The following TAFA1 variants were observed in gnomAD, a reference collection of about 807,000 sequenced individuals.
The protein encoded by TAFA1 is TAFA chemokine like family member 1.
Under a neutral mutation model 18.5 loss-of-function variants are expected in TAFA1, and 4 were observed. The ratio of observed to expected loss-of-function variants is 0.22; its 90% CI spans 0.11 to 0.49. TAFA1 has a LOEUF of 0.49. TAFA1 is among the 20% of genes least tolerant of loss of function. The pLI, the probability that TAFA1 is intolerant of heterozygous loss-of-function variation, is 0.98. For synonymous variants in TAFA1, 56 were observed against 55.2 expected (o/e 1.01, Z -0.06); for missense variants, 147 against 169.0 (o/e 0.87, Z 0.72).
intron 2 of TAFA1, among the ~76,000 whole-genome samples, chr3:68,053,358 G>C (rs1205805466): frequency 6.6e-6 from 1 of 152,042 alleles, no homozygotes; most frequent in Non-Finnish European, 1.5e-5. Flanking sequence ...TAACAGATGT[G>C]ATAAAGACCT....
chr3:68,024,137 A>T (rs1704760611), intron 2 of TAFA1, among the ~76,000 whole-genome samples: 1 of 152,156 alleles, frequency 6.6e-6, no homozygotes, highest in Admixed American at 6.6e-5. Flanking sequence ...ATATTATCCT[A>T]AGTATTTTTT....
chr3:68,379,849 T>C (rs906687894), intron 2 of TAFA1, among the ~76,000 whole-genome samples: 2 of 151,986 alleles, frequency 1.3e-5, no homozygotes, highest in Admixed American at 1.3e-4. Flanking sequence ...ATGTGCCATG[T>C]TGGTGTGCTG....
intron 2 of TAFA1, among the ~76,000 whole-genome samples, chr3:68,262,313 A>G (rs1475455398): frequency 3.6e-4 from 6 of 16,544 alleles, no homozygotes; most frequent in African/African-American, 1.5e-3. Context: ...GAGGGTATAT[A>G]TATATATATA....
chr3:68,472,670 G>A (rs530925550), intron 3 of TAFA1, among the ~76,000 whole-genome samples: 1 of 151,688 alleles, frequency 6.6e-6, no homozygotes, highest in Non-Finnish European at 1.5e-5. Context: ...CTGGATAAAG[G>A]GTATATAGGA....
intron 2 of TAFA1, among the ~76,000 whole-genome samples, chr3:68,313,482 T>C (rs939364432): frequency 6.6e-6 from 1 of 152,214 alleles, no homozygotes; most frequent in Admixed American, 6.5e-5. Flanking sequence ...TGTCCAAATG[T>C]GCTGATTTTC....
chr3:68,250,120 T>G (rs980005632), intron 2 of TAFA1, among the ~76,000 whole-genome samples: 1 of 152,174 alleles, frequency 6.6e-6, no homozygotes, highest in African/African-American at 2.4e-5. Flanking sequence ...TCATCACTTA[T>G]AGCTTTGTCC....
Position 68,538,959 on chromosome 3 carries a change from CA to C in TAFA1, c.384+80del, listed in dbSNP as rs1433662821. On this transcript the variant is annotated intron_variant, in intron 4 of 4. Transcript: ENST00000478136. Reference sequence around the variant, plus strand: ...GTTTGTGCTGTGCAAACAGCATCCACAGAAGCTTTGCACAGGAGAGAAGATT... The same window carrying C: ...GTTTGTGCTGTGCAAACAGCATCCACGAAGCTTTGCACAGGAGAGAAGATT... 1.1e-4 allele frequency: 156 copies of C among 1,471,878 alleles called. 1 individual carries two copies. In the African/African-American group the frequency reaches 1.6e-3, roughly 15 times the overall value. 91.2% of individuals were successfully genotyped at this position (1,471,878 alleles called of 1,614,324 possible). A position where few individuals can be genotyped will look rare whatever the true frequency, so the allele number is the denominator to read the frequency against.
rs142498939 is a variant in TAFA1, at chr3:68,372,576, G to T, written c.119-44704G>T. Among the ~76,000 whole-genome samples the T allele has an allele frequency of 3.3e-3, 496 of 152,268 alleles. 4 individuals carry two copies. The highest frequency in any genetic ancestry group is 0.011 in the African/African-American group (471 of 41,558). On this transcript the variant is annotated intron_variant, in intron 2 of 4. Coordinates refer to ENST00000478136, the MANE Select transcript of TAFA1 (RefSeq NM_213609.4). ...CTAATTGTTAATCACATGACAAATA[G>T]CCTAGCATGCAACCAGCAGGTGATA...
At chr3:68,190,216 C>A (rs886491240) in intron 2 of TAFA1, among the ~76,000 whole-genome samples, 1 of 151,834 alleles carries the variant, frequency 6.6e-6, no homozygotes, top group African/African-American at 2.4e-5. Flanking sequence ...GTCTACATTA[C>A]CCTGTAGTGA....
chr3:68,306,942 A>G (rs1341440998), intron 2 of TAFA1, among the ~76,000 whole-genome samples: 1 of 152,196 alleles, frequency 6.6e-6, no homozygotes, highest in African/African-American at 2.4e-5. Flanking sequence ...AAAATTTCAA[A>G]ACATCAAAAC....
chr3:68,091,916 T>A (rs1575611946), intron 2 of TAFA1, among the ~76,000 whole-genome samples: 1 of 152,286 alleles, frequency 6.6e-6, no homozygotes, highest in East Asian at 1.9e-4. Context: ...GACTGCTGGT[T>A]TCCTTAACAG....
chr3:68,113,888 G>GTTTT lies in TAFA1; in HGVS notation c.118+107149_118+107152dup, dbSNP rs1169442128. On this transcript the variant is annotated intron_variant, in intron 2 of 4. Transcript: ENST00000478136. Reference sequence around the variant, plus strand: ...TGACAGTGTGACAGTTTGGGGTGTAGTTTTTTTTGTTTTTTTTTTTTTTTT... The same window carrying GTTTT: ...TGACAGTGTGACAGTTTGGGGTGTAGTTTTTTTTTTTTGTTTTTTTTTTTTTTTT... 8.5e-4 allele frequency among the ~76,000 whole-genome samples: 49 copies of GTTTT among 57,880 alleles called. 7 individuals carry two copies. The highest frequency in any genetic ancestry group is 3.1e-3 in the East Asian group (5 of 1,632). 38.0% of individuals were successfully genotyped at this position (57,880 alleles called of 152,430 possible).
intron 2 of TAFA1, among the ~76,000 whole-genome samples, chr3:68,224,270 G>C (rs1232247691): frequency 6.6e-6 from 1 of 152,074 alleles, no homozygotes; most frequent in Non-Finnish European, 1.5e-5. Context: ...TCAAGTGGGT[G>C]TCTTCCACCT....
In TAFA1 at chr3:68,417,304, C is replaced by T; in HGVS notation, c.143C>T (p.Ala48Val). 1.2e-6 allele frequency: 2 copies of T among 1,613,282 alleles called. No individual in the cohort carries two copies. The highest frequency in any genetic ancestry group is 1.7e-6 in the Non-Finnish European group (2 of 1,179,530). The change falls in exon 3 of 5, where the codon GCA becomes GTA. Residue 48 changes from alanine (A) to valine (V), a missense_variant. Coordinates refer to ENST00000478136, the MANE Select transcript of TAFA1 (RefSeq NM_213609.4). ...RPEGGTCEVI[A>V]AHRCCNKNRI... ...GAAGGAGGGACGTGTGAAGTGATAG[C>T]AGCACACCGATGTTGTAACAAGAAT...
At chr3:68,341,737 G>C (rs933259146) in intron 2 of TAFA1, among the ~76,000 whole-genome samples, 1 of 152,184 alleles carries the variant, frequency 6.6e-6, no homozygotes, top group African/African-American at 2.4e-5. Context: ...TGTTAGGTCT[G>C]ATCTCTTTCA....
chr3:68,522,875 A>G lies in TAFA1; in HGVS notation c.260-15881A>G, dbSNP rs562150890. On this transcript the variant is annotated intron_variant, in intron 3 of 4. Coordinates refer to ENST00000478136, the MANE Select transcript of TAFA1 (RefSeq NM_213609.4). ...CAGGTCACTTGAGGTCAGGAGTTCA[A>G]GACCAGCCTGGCCAACATGGTGAAA... 2.6e-5 allele frequency among the ~76,000 whole-genome samples: 4 copies of G among 152,152 alleles called. No individual in the cohort carries two copies. In the East Asian group the frequency reaches 7.7e-4, roughly 29 times the overall value.
intron 3 of TAFA1, among the ~76,000 whole-genome samples, chr3:68,456,408 A>G (rs1052680845): frequency 1.3e-5 from 2 of 152,128 alleles, no homozygotes; most frequent in Non-Finnish European, 2.9e-5. Flanking sequence ...AAATCTCTTC[A>G]GGCAGATGCT....
intron 2 of TAFA1, among the ~76,000 whole-genome samples, chr3:68,404,566 G>A (rs146515240): frequency 6.2e-4 from 94 of 152,226 alleles, no homozygotes; most frequent in African/African-American, 2.0e-3. Flanking sequence ...TTGGGAGGCC[G>A]AAGTGGGCAG....
At chr3:68,475,723 A>C (rs1272325237) in intron 3 of TAFA1, among the ~76,000 whole-genome samples, 8 of 152,132 alleles carry the variant, frequency 5.3e-5, no homozygotes, top group African/African-American at 1.9e-4. Context: ...TAGATCCCTG[A>C]GGAATCGCCA....
Sources: gnomAD v4.1 joint callset for allele counts (sites outside exome capture counted in the v4.1 genomes callset) on GRCh38, gnomAD v4.1.1 for gene constraint, MANE v1.5 for transcripts, NCBI Gene and HGNC (gene_info 2026-07-23, HGNC 2026-07-21) for gene names.